The following CLYBL variants were observed in gnomAD, a reference collection of about 807,000 sequenced individuals.
The protein encoded by CLYBL is citramalyl-CoA lyase, mitochondrial.
In CLYBL, 31 loss-of-function variants were observed where a neutral mutation model predicts 38.9. That is an observed-to-expected ratio of 0.80 (90% CI 0.60 to 1.08). CLYBL has a LOEUF of 1.08. Among genes scored for constraint, CLYBL ranks in the 50% least tolerant of loss-of-function variants. The pLI, the probability that CLYBL is intolerant of heterozygous loss-of-function variation, is 0.00. For synonymous variants in CLYBL, 171 were observed against 158.6 expected (o/e 1.08, Z -0.59); for missense variants, 434 against 411.6 (o/e 1.05, Z -0.47).
At chr13:99,759,137 A>G (rs569780203) in intron 1 of CLYBL, among the ~76,000 whole-genome samples, 19 of 152,256 alleles carry the variant, frequency 1.2e-4, no homozygotes, top group Non-Finnish European at 2.6e-4. Flanking sequence ...GTGCTAGTGG[A>G]GGCCCAGAGC....
intron 1 of CLYBL, among the ~76,000 whole-genome samples, chr13:99,709,533 C>G (rs1455403520): frequency 6.6e-6 from 1 of 152,154 alleles, no homozygotes; most frequent in Non-Finnish European, 1.5e-5. Context: ...TACAAAATAG[C>G]ATACAAAAAA....
chr13:99,839,166 C>G (rs1337001757), intron 2 of CLYBL, among the ~76,000 whole-genome samples: 1 of 152,248 alleles, frequency 6.6e-6, no homozygotes, highest in East Asian at 1.9e-4. Context: ...TCTGGAAGAG[C>G]AGTGGGAGCG....
chr13:99,887,701 C>T (rs147771233), intron 7 of CLYBL, among the ~76,000 whole-genome samples: 5 of 152,110 alleles, frequency 3.3e-5, no homozygotes, highest in Non-Finnish European at 5.9e-5. Flanking sequence ...TGCAGTAAGC[C>T]GTGATGACGC....
At chr13:99,877,764 G>A in intron 7 of CLYBL, 1 of 218,414 alleles carries the variant, frequency 4.6e-6, no homozygotes, top group Non-Finnish European at 9.2e-6. Context: ...AGTAGAGACG[G>A]TGTTTCACCA....
chr13:99,889,656 G>C (rs1443726077), intron 7 of CLYBL, among the ~76,000 whole-genome samples: 1 of 152,128 alleles, frequency 6.6e-6, no homozygotes, highest in East Asian at 1.9e-4. Flanking sequence ...GGCCACTGCT[G>C]GTAAAAATTC....
rs986504755 is a variant in CLYBL at position 99,749,179 on chromosome 13, C to CA, written c.63-23632dup. ...TGGGCGACAAAGCGAGACTCTGTCT[C>CA]AAAAAAAAAAAAAGAAAAGAAAAGA... On this transcript the variant is annotated intron_variant, in intron 1 of 8. Transcript: ENST00000339105. Among the ~76,000 whole-genome samples, 1,107 of 116,324 alleles carry CA rather than the reference C, an allele frequency of 9.5e-3. 22 individuals carry two copies. The highest frequency in any genetic ancestry group is 8.1e-3 in the Admixed American group (88 of 10,834). The allele number at this position is 116,324 out of a possible 152,430, so 76.3% of individuals were successfully genotyped here. A position where few individuals can be genotyped will look rare whatever the true frequency, so the allele number is the denominator to read the frequency against.
chr13:99,745,602 C>G (rs543798971), intron 1 of CLYBL, among the ~76,000 whole-genome samples: 2 of 152,196 alleles, frequency 1.3e-5, no homozygotes, highest in Non-Finnish European at 1.5e-5. Flanking sequence ...AAAGCCTTCA[C>G]GATCACATCC....
intron 1 of CLYBL, among the ~76,000 whole-genome samples, chr13:99,724,231 CT>C (rs2048435444): frequency 6.6e-6 from 1 of 152,186 alleles, no homozygotes; most frequent in African/African-American, 2.4e-5. Context: ...AATGCACACA[CT>C]AATATGCCAG....
chr13:99,677,412 G>A (rs1164150913), intron 1 of CLYBL, among the ~76,000 whole-genome samples: 2 of 151,990 alleles, frequency 1.3e-5, no homozygotes, highest in African/African-American at 4.8e-5. Flanking sequence ...CTCAAAACAC[G>A]TGGCTTTTTC....
At chr13:99,703,410 G>GC (rs1326287319) in intron 1 of CLYBL, among the ~76,000 whole-genome samples, 2 of 151,612 alleles carry the variant, frequency 1.3e-5, no homozygotes, top group Non-Finnish European at 1.5e-5. Context: ...TCACTCTGTC[G>GC]CCAGGCTGGA....
chr13:99,733,303 A>C (rs940382629), intron 1 of CLYBL, among the ~76,000 whole-genome samples: 1 of 152,142 alleles, frequency 6.6e-6, no homozygotes, highest in South Asian at 2.1e-4. Flanking sequence ...AATTACTAGG[A>C]AATTGACTCT....
At chr13:99,684,491 G>C (rs538734571) in intron 1 of CLYBL, among the ~76,000 whole-genome samples, 1 of 152,182 alleles carries the variant, frequency 6.6e-6, no homozygotes, top group African/African-American at 2.4e-5. Context: ...TAGAAAAGCT[G>C]GATTCCGACC....
chr13:99,676,186 G>GTCGTTCCT (rs1555351229), intron 1 of CLYBL, among the ~76,000 whole-genome samples: 2 of 132,994 alleles, frequency 1.5e-5, no homozygotes. Flanking sequence ...CCCTCCGTCC[G>GTCGTTCCT]TCCTTCCTTC....
intron 1 of CLYBL, among the ~76,000 whole-genome samples, chr13:99,724,520 C>T (rs2048440373): frequency 6.6e-6 from 1 of 150,558 alleles, no homozygotes; most frequent in Non-Finnish European, 1.5e-5. Context: ...ATGGCAGCTC[C>T]GACTTGGAGA....
chr13:99,852,746 TA>T (rs1485503981), intron 2 of CLYBL, among the ~76,000 whole-genome samples: 2 of 152,120 alleles, frequency 1.3e-5, no homozygotes, highest in African/African-American at 4.8e-5. Context: ...TACACTTTAT[TA>T]AAAAAATTTC....
intron 2 of CLYBL, among the ~76,000 whole-genome samples, chr13:99,777,529 G>A (rs577889322): frequency 7.4e-6 from 1 of 135,766 alleles, no homozygotes; most frequent in Non-Finnish European, 1.6e-5. Flanking sequence ...TTTTGCTCTT[G>A]TTGCCCAGGC....
chr13:99,826,889 G>A (rs1594206717), intron 2 of CLYBL, among the ~76,000 whole-genome samples: 1 of 152,300 alleles, frequency 6.6e-6, no homozygotes, highest in South Asian at 2.1e-4. Flanking sequence ...GGGGCCCGAG[G>A]CAGTGGGACT....
chr13:99,699,095 A>C (rs1265594755), intron 1 of CLYBL, among the ~76,000 whole-genome samples: 1 of 152,240 alleles, frequency 6.6e-6, no homozygotes, highest in Non-Finnish European at 1.5e-5. Flanking sequence ...ATTTTAAAAA[A>C]TGAACCTGGG....
intron 1 of CLYBL, among the ~76,000 whole-genome samples, chr13:99,740,191 G>C (rs9582338): frequency 1.3e-5 from 2 of 152,224 alleles, no homozygotes; most frequent in South Asian, 4.2e-4. Flanking sequence ...CTCTATCTTC[G>C]CCTTCTCTGG....
Sources: allele counts gnomAD v4.1 joint callset (sites outside exome capture counted in the v4.1 genomes callset), GRCh38; gene constraint gnomAD v4.1.1; transcripts MANE v1.5; gene names NCBI Gene and HGNC (gene_info 2026-07-23, HGNC 2026-07-21).